Variants in ERBB4 observed in about 807,000 individuals in gnomAD.
ERBB4 encodes the protein erb-b2 receptor tyrosine kinase 4.
ERBB4 carries 42 observed loss-of-function variants against 158.0 expected under a neutral mutation model. The ratio of observed to expected loss-of-function variants is 0.27; its 90% confidence interval spans 0.21 to 0.34. The LOEUF is 0.34. Among genes scored for constraint, ERBB4 ranks in the 10% least tolerant of loss-of-function variants. ERBB4 has a pLI of 1.00. For missense variants in ERBB4, 1,333 were observed against 1,624.1 expected, an observed-to-expected ratio of 0.82 and a Z score of 3.08; for synonymous variants, 583 against 558.7, an observed-to-expected ratio of 1.04 and a Z score of -0.61.
At chr2:211,630,339 A>G in intron 17 of ERBB4, 123 bp downstream of exon 17, 1 of 1,139,232 alleles carries the variant, frequency 8.8e-7, no homozygotes, top group South Asian at 1.3e-5. Flanking sequence ...GGACTATAAA[A>G]TAAAAAACTT....
chr2:212,396,437 C>A (rs1574842353), intron 1 of ERBB4, among the ~76,000 whole-genome samples: 1 of 152,106 alleles, frequency 6.6e-6, no homozygotes. Flanking sequence ...GAGCAAGATA[C>A]CAACATTCTC....
intron 2 of ERBB4, among the ~76,000 whole-genome samples, chr2:211,958,341 C>T (rs2081086691): frequency 6.6e-6 from 1 of 152,076 alleles, no homozygotes; most frequent in Non-Finnish European, 1.5e-5. Context: ...AGGCCATGGA[C>T]TTGTAGACAA....
At chr2:212,322,138 T>C (rs2087594236) in intron 1 of ERBB4, among the ~76,000 whole-genome samples, 2 of 150,522 alleles carry the variant, frequency 1.3e-5, no homozygotes, top group African/African-American at 4.8e-5. Flanking sequence ...TGCTGAAATA[T>C]AACCCTAAAA....
rs1023758783 is a variant in ERBB4, at chr2:211,434,365, C to T, written c.2488-3265G>A. ...AAGTGATTAGGTCATGAGAATACAA[C>T]GTCATGAATGATATTAGCAAACTTA... On this transcript the variant is annotated intron_variant, in intron 20 of 27. Coordinates refer to ENST00000342788, the MANE Select transcript of ERBB4 (RefSeq NM_005235.3). Among the ~76,000 whole-genome samples the T allele has an allele frequency of 9.9e-5, 15 of 152,142 alleles. No individual in the cohort carries two copies. The East Asian group carries it at 1.4e-3, about 14-fold the overall frequency.
intron 1 of ERBB4, among the ~76,000 whole-genome samples, chr2:212,464,841 G>C (rs1462131305): frequency 6.6e-6 from 1 of 150,774 alleles, no homozygotes; most frequent in Non-Finnish European, 1.5e-5. Context: ...AAAACTATTT[G>C]TTTTAATCAA....
intron 2 of ERBB4, among the ~76,000 whole-genome samples, chr2:211,956,909 A>G (rs2081050626): frequency 6.6e-6 from 1 of 151,982 alleles, no homozygotes; most frequent in African/African-American, 2.4e-5. Context: ...ATCACAGCTC[A>G]CTGCAGTCTT....
At chr2:212,133,768 AG>A (rs1185967249) in intron 1 of ERBB4, among the ~76,000 whole-genome samples, 1 of 152,020 alleles carries the variant, frequency 6.6e-6, no homozygotes, top group African/African-American at 2.4e-5. Flanking sequence ...ATACCAGCCT[AG>A]GTAACAAAGT....
At chr2:211,818,906 G>T (rs2105935985) in intron 3 of ERBB4, among the ~76,000 whole-genome samples, 1 of 152,142 alleles carries the variant, frequency 6.6e-6, no homozygotes, top group Non-Finnish European at 1.5e-5. Context: ...TTTTTCAAAT[G>T]TATTTATAAA....
intron 25 of ERBB4, among the ~76,000 whole-genome samples, chr2:211,395,675 ATAAT>A (rs1372503090): frequency 2.0e-5 from 3 of 152,058 alleles, no homozygotes; most frequent in Admixed American, 2.0e-4. Context: ...GACAAATGGG[ATAAT>A]TAATATGGCC....
At chr2:211,690,603 G>T (rs755995325) in intron 12 of ERBB4, among the ~76,000 whole-genome samples, 3 of 152,186 alleles carry the variant, frequency 2.0e-5, no homozygotes, top group Admixed American at 6.6e-5. Flanking sequence ...GATGATGGAA[G>T]TGAAGATTGG....
chr2:211,772,914 C>T (rs1432484293), intron 4 of ERBB4, among the ~76,000 whole-genome samples: 7 of 33,910 alleles, frequency 2.1e-4, no homozygotes, highest in South Asian at 2.0e-3. Flanking sequence ...TATATACACA[C>T]ACACACACAC....
intron 20 of ERBB4, among the ~76,000 whole-genome samples, chr2:211,546,645 A>G (rs2066947662): frequency 6.6e-6 from 1 of 152,216 alleles, no homozygotes; most frequent in Admixed American, 6.5e-5. Flanking sequence ...TAAGTATTAG[A>G]GGATATAATA....
chr2:211,570,978 T>C (rs2125744236), intron 19 of ERBB4, among the ~76,000 whole-genome samples: 1 of 152,120 alleles, frequency 6.6e-6, no homozygotes, highest in East Asian at 1.9e-4. Flanking sequence ...AAAATCCTTC[T>C]TTGGCTGATA....
intron 20 of ERBB4, among the ~76,000 whole-genome samples, chr2:211,513,942 C>A (rs2065954577): frequency 6.6e-6 from 1 of 151,960 alleles, no homozygotes; most frequent in South Asian, 2.1e-4. Context: ...CAGGGATATC[C>A]ATCGTTTCAA....
chr2:211,919,125 C>T (rs1575376864), intron 3 of ERBB4, among the ~76,000 whole-genome samples: 1 of 152,004 alleles, frequency 6.6e-6, no homozygotes, highest in Admixed American at 6.6e-5. Flanking sequence ...GTAAAAATAG[C>T]TTTAACTGGT....
intron 20 of ERBB4, among the ~76,000 whole-genome samples, chr2:211,503,613 C>T (rs1022852830): frequency 9.2e-5 from 14 of 152,118 alleles, no homozygotes; most frequent in Admixed American, 4.6e-4. Context: ...ACCCGCATAG[C>T]GCCTTGGGCA....
chr2:212,377,924 T>A (rs1249653865), intron 1 of ERBB4, among the ~76,000 whole-genome samples: 1 of 151,866 alleles, frequency 6.6e-6, no homozygotes, highest in Non-Finnish European at 1.5e-5. Context: ...TTTCTTTCTT[T>A]ATATCCTTCT....
chr2:211,877,361 T>G (rs920985331), intron 3 of ERBB4, among the ~76,000 whole-genome samples: 2 of 151,926 alleles, frequency 1.3e-5, no homozygotes, highest in African/African-American at 4.8e-5. Context: ...CTTTTTTTAC[T>G]TGAGAAAGAA....
At chr2:211,993,779 T>A (rs936893977) in intron 2 of ERBB4, among the ~76,000 whole-genome samples, 8 of 150,736 alleles carry the variant, frequency 5.3e-5, no homozygotes, top group Non-Finnish European at 1.0e-4. Flanking sequence ...TTTCTGCTTT[T>A]AAAAAAAAGA....
Sources: allele counts gnomAD v4.1 joint callset (sites outside exome capture counted in the v4.1 genomes callset), GRCh38; gene constraint gnomAD v4.1.1; transcripts MANE v1.5; gene names NCBI Gene and HGNC (gene_info 2026-07-23, HGNC 2026-07-21).